Variants in CYP2C19 observed in about 807,000 individuals in gnomAD.
The protein encoded by CYP2C19 is cytochrome P450 2C19.
CYP2C19 carries 59 observed loss-of-function variants against 40.9 expected under a neutral mutation model. The observed-to-expected ratio is 1.44, with a 90% confidence interval of 1.17 to 1.79. The LOEUF is 1.79. Ranked by LOEUF, CYP2C19 falls within the 40% of genes most tolerant of loss-of-function variation. The probability of loss-of-function intolerance (pLI) is 0.00; values close to 1 mark genes in which losing one functional copy is unlikely to be tolerated. For missense variants in CYP2C19, 754 were observed against 596.9 expected (o/e 1.26, Z -2.74); for synonymous variants, 253 against 208.7 (o/e 1.21, Z -1.83).
intron 6 of CYP2C19, among the ~76,000 whole-genome samples, chr10:94,841,939 T>C (rs553848577): frequency 6.6e-6 from 1 of 152,220 alleles, no homozygotes; most frequent in Non-Finnish European, 1.5e-5. Context: ...TAACAATCCA[T>C]GTGCTGTGGA....
intron 5 of CYP2C19, among the ~76,000 whole-genome samples, chr10:94,815,441 T>A (rs1327615063): frequency 6.6e-6 from 1 of 152,338 alleles, no homozygotes; most frequent in East Asian, 1.9e-4. Context: ...TATTCAAAAC[T>A]TTCCCCTTAT....
chr10:94,821,572 T>C (rs1384142006), intron 6 of CYP2C19, among the ~76,000 whole-genome samples: 1 of 152,228 alleles, frequency 6.6e-6, no homozygotes, highest in African/African-American at 2.4e-5. Flanking sequence ...GAAATTGGTG[T>C]TGGATAAAAT....
At chr10:94,849,060 G>C (rs553764236) in intron 7 of CYP2C19, among the ~76,000 whole-genome samples, 2 of 152,202 alleles carry the variant, frequency 1.3e-5, no homozygotes, top group Admixed American at 1.3e-4. Flanking sequence ...CTAATTGAAT[G>C]CCCTTTATTC....
intron 5 of CYP2C19, among the ~76,000 whole-genome samples, chr10:94,795,843 A>T (rs1218828030): frequency 2.0e-5 from 3 of 150,436 alleles, no homozygotes. Context: ...CCACACTTTG[A>T]TGGGGTTTTT....
At chr10:94,774,993 A>G in intron 1 of CYP2C19, 65 bp from the exon 2 acceptor site, 1 of 1,534,286 alleles carries the variant, frequency 6.5e-7, no homozygotes, top group Non-Finnish European at 8.9e-7. Flanking sequence ...TATGAATCTA[A>G]GTCAGGCTTA....
At chr10:94,848,109 T>C (rs912998419) in intron 7 of CYP2C19, among the ~76,000 whole-genome samples, 1 of 152,228 alleles carries the variant, frequency 6.6e-6, no homozygotes, top group Admixed American at 6.5e-5. Context: ...ATTTTGGCTT[T>C]TGTTGCCATT....
chr10:94,774,885 T>C, intron 1 of CYP2C19, 173 bp from the exon 2 acceptor site: 1 of 699,842 alleles, frequency 1.4e-6, no homozygotes. Context: ...ATAGGCCATC[T>C]GAGTGGCAAG....
chr10:94,832,086 C>T (rs759849613), intron 6 of CYP2C19, among the ~76,000 whole-genome samples: 4 of 152,064 alleles, frequency 2.6e-5, no homozygotes, highest in Non-Finnish European at 5.9e-5. Flanking sequence ...TTGTATGTGG[C>T]AAGATATATG....
chr10:94,817,813 A>G (rs1337277730), intron 5 of CYP2C19, among the ~76,000 whole-genome samples: 1 of 151,906 alleles, frequency 6.6e-6, no homozygotes, highest in Non-Finnish European at 1.5e-5. Flanking sequence ...GGAGATCGAG[A>G]CCATCCTGGC....
At chr10:94,769,525 G>A (rs764715735) in intron 1 of CYP2C19, among the ~76,000 whole-genome samples, 3 of 152,124 alleles carry the variant, frequency 2.0e-5, no homozygotes, top group Non-Finnish European at 2.9e-5. Context: ...TAGGGGTTGG[G>A]TACAACTGGA....
At position 94,780,534 on chromosome 10, in the gene CYP2C19, G is replaced by A; in HGVS notation, c.517G>A (p.Ala173Thr). ...PCDPTFILGC[A>T]PCNVICSIIF... ...TGATCCCACTTTCATCCTGGGCTGT[G>A]CTCCCTGCAATGTGATCTGCTCCAT... Residue 173 changes from alanine to threonine, a missense_variant, in exon 4 of 9, where the codon GCT (alanine) becomes ACT (threonine). Physicochemically the swap from Ala to Thr is moderately conservative, Grantham distance 58 (BLOSUM62 0). Transcript: ENST00000371321. 6.2e-7 allele frequency: 1 copy of A among 1,613,746 alleles called. No individual in the cohort carries two copies. Among genetic ancestry groups the A allele is most frequent in the Non-Finnish European group, 8.5e-7 (1 of 1,179,918 alleles).
chr10:94,762,808 C>T lies in CYP2C19; in HGVS notation c.103C>T (p.Pro35Ser), dbSNP rs1408512455. The change falls in exon 1 of 9, where the codon CCT (proline) becomes TCT (serine). Residue 35 changes from proline (P) to serine (S), a missense_variant. Pro to Ser is a moderately conservative substitution (Grantham distance 74). Transcript: ENST00000371321. Reference protein sequence around the residue: ...GRGKLPPGPTPLPVIGNILQI... With the variant: ...GRGKLPPGPTSLPVIGNILQI... ...AGGAAAACTCCCTCCTGGCCCCACT[C>T]CTCTCCCAGTGATTGGAAATATCCT... 3.1e-6 allele frequency: 5 copies of T among 1,613,800 alleles called. No individual in the cohort carries two copies. The highest frequency in any genetic ancestry group is 4.2e-6 in the Non-Finnish European group (5 of 1,179,788).
chr10:94,817,111 G>A (rs1353237623), intron 5 of CYP2C19, among the ~76,000 whole-genome samples: 3 of 146,118 alleles, frequency 2.1e-5, no homozygotes, highest in East Asian at 2.1e-4. Flanking sequence ...GGATGGCTGG[G>A]TCAAATGGTA....
In CYP2C19 at chr10:94,820,600, T is replaced by C; in HGVS notation, c.924T>C (p.Tyr308=). Residue 308 remains tyrosine, a synonymous_variant, in exon 6 of 9, where the codon TAT becomes TAC. Transcript: ENST00000371321. ...GTETTSTTLR[Y]ALLLLLKHPE... is the part of the protein sequence containing the mutation. ...AGACAACAAGCACAACCCTGAGATA[T>C]GCTCTCCTTCTCCTGCTGAAGCACC... 6.2e-7 allele frequency: 1 copy of C among 1,614,196 alleles called. No homozygotes were observed. Among genetic ancestry groups the C allele is most frequent in the Non-Finnish European group, 8.5e-7 (1 of 1,180,036 alleles).
At chr10:94,847,423 C>T (rs897395787) in intron 7 of CYP2C19, among the ~76,000 whole-genome samples, 1 of 152,092 alleles carries the variant, frequency 6.6e-6, no homozygotes, top group African/African-American at 2.4e-5. Context: ...TTTTTTATGG[C>T]TGTGTAGTAT....
intron 3 of CYP2C19, among the ~76,000 whole-genome samples, chr10:94,779,456 G>C (rs747095424): frequency 2.6e-5 from 4 of 152,032 alleles, no homozygotes; most frequent in Non-Finnish European, 5.9e-5. Context: ...AGGATGATTA[G>C]AGATGATGGG....
intron 1 of CYP2C19, chr10:94,774,726 A>T (rs1246895963): frequency 1.1e-5 from 3 of 277,166 alleles, no homozygotes; most frequent in Non-Finnish European, 2.0e-5. Context: ...GGTCTTCTGT[A>T]TATTAGCTGT....
At position 94,769,960 on chromosome 10, in the gene CYP2C19, G is replaced by A. The variant is rs147784001; in HGVS notation, c.169-5098G>A. Among the ~76,000 whole-genome samples the A allele has an allele frequency of 3.1e-3, 475 of 152,294 alleles. 3 individuals are homozygous for A. The highest frequency in any genetic ancestry group is 0.011 in the African/African-American group (452 of 41,578). ...CTTTCAGACATAACAAGAAAGGCAT[G>A]TGAAAAGAGCAAAGTCTCCCAATTA... On this transcript the variant is annotated intron_variant, in intron 1 of 8. Transcript: ENST00000371321.
chr10:94,786,177 G>A (rs1589351531), intron 5 of CYP2C19, among the ~76,000 whole-genome samples: 1 of 152,148 alleles, frequency 6.6e-6, no homozygotes, highest in East Asian at 1.9e-4. Context: ...GGGGTACGAT[G>A]ACAAACCTGA....
Sources: allele counts gnomAD v4.1 joint callset (sites outside exome capture counted in the v4.1 genomes callset), GRCh38; gene constraint gnomAD v4.1.1; transcripts MANE v1.5; gene names NCBI Gene and HGNC (gene_info 2026-07-23, HGNC 2026-07-21).